Variants in A4GALT observed in about 807,000 individuals in gnomAD.
The protein encoded by A4GALT is lactosylceramide 4-alpha-galactosyltransferase.
For missense variants in A4GALT, 512 were observed against 486.0 expected (o/e 1.05, Z -0.50); for synonymous variants, 257 against 220.7 (o/e 1.16, Z -1.46).
At chr22:42,711,904 TGAGCCACCGTG>T (rs1921731530) in intron 1 of A4GALT, among the ~76,000 whole-genome samples, 1 of 152,188 alleles carries the variant, frequency 6.6e-6, no homozygotes, top group African/African-American at 2.4e-5. Flanking sequence ...ATCACAGGCG[TGAGCCACCGTG>T]ACTGGTCTCA....
Position 42,692,881 on chromosome 22 carries a change from G to A in A4GALT, c.*9C>T. ...AGGAGCAGGTTGGGGAGGTGACCTG[G>A]CGGGCCCCTCACAAGTACATTTTCA... On this transcript the variant is annotated 3_prime_UTR_variant, in exon 3 of 3. Transcript: ENST00000642412. This position sits in a 1 kb window ranked among gnomAD's most constrained non-coding sequence, Gnocchi z 4.6. The A allele has an allele frequency of 6.3e-7, 1 of 1,599,524 alleles. No individual in the cohort carries two copies. The highest frequency in any genetic ancestry group is 8.5e-7 in the Non-Finnish European group (1 of 1,179,648).
chr22:42,706,235 G>A (rs1372145834), intron 1 of A4GALT, among the ~76,000 whole-genome samples: 1 of 145,490 alleles, frequency 6.9e-6, no homozygotes, highest in Admixed American at 7.0e-5. Flanking sequence ...GGCACCTATA[G>A]TCCCAGTTAC....
chr22:42,697,454 T>G (rs996280717), intron 1 of A4GALT, among the ~76,000 whole-genome samples: 1 of 151,828 alleles, frequency 6.6e-6, no homozygotes, highest in Admixed American at 6.6e-5. Flanking sequence ...CGCGGACGGG[T>G]GGACAGTTGG....
chr22:42,705,598 C>CAA (rs68144596), intron 1 of A4GALT, among the ~76,000 whole-genome samples: 1,750 of 72,088 alleles, frequency 0.024, 303 homozygotes, highest in East Asian at 0.049. Flanking sequence ...GATTCTGTCT[C>CAA]AAAAAAAAAA....
chr22:42,694,890 C>G (rs1176129467), intron 2 of A4GALT: 1 of 152,236 alleles, frequency 6.6e-6, no homozygotes, highest in Non-Finnish European at 1.5e-5. Flanking sequence ...CTCAGCATCT[C>G]ACACATAGGA....
rs912914830 is a variant in A4GALT at position 42,695,522 on chromosome 22, G to A, written c.-78C>T. On this transcript the variant is annotated 5_prime_UTR_variant, in exon 2 of 3. Coordinates refer to ENST00000642412, the MANE Select transcript of A4GALT (RefSeq NM_017436.7). The stretch of plus-strand genomic sequence containing the variant: ...GGGCAGCCCATTGCAGAGAGGTGGG[G>A]ATCCTGGCAGCCCACAGGCCTCCGG... The A allele has an allele frequency of 2.0e-5, 3 of 152,014 alleles. No individual in the cohort carries two copies. The highest frequency in any genetic ancestry group is 2.9e-5 in the Non-Finnish European group (2 of 68,092). The allele number at this position is 152,014 out of a possible 1,614,324, so 9.4% of individuals were successfully genotyped here. A position where few individuals can be genotyped will look rare whatever the true frequency, so the allele number is the denominator to read the frequency against.
intron 1 of A4GALT, among the ~76,000 whole-genome samples, chr22:42,703,273 TGAGA>T (rs1920939351): frequency 6.8e-6 from 1 of 146,318 alleles, no homozygotes. Context: ...TTTTTTTTTT[TGAGA>T]CAGAGTCTCA....
intron 1 of A4GALT, among the ~76,000 whole-genome samples, chr22:42,708,817 TA>T (rs1461053088): frequency 1.3e-5 from 2 of 151,898 alleles, no homozygotes; most frequent in Non-Finnish European, 2.9e-5. Flanking sequence ...AAATAAAATT[TA>T]AAACCTGAAT....
chr22:42,697,184 TAATG>T (rs1231104249), intron 1 of A4GALT, among the ~76,000 whole-genome samples: 8 of 152,242 alleles, frequency 5.3e-5, no homozygotes, highest in Non-Finnish European at 1.0e-4. Flanking sequence ...ATGAGTGAAT[TAATG>T]AATGATCAGT....
Position 42,693,442 on chromosome 22 carries a change from C to G in A4GALT, c.510G>C (p.Leu170=), listed in dbSNP as rs1382474586. 6.8e-6 allele frequency: 11 copies of G among 1,613,292 alleles called. No individual in the cohort carries two copies. The East Asian group carries it at 2.5e-4, about 36-fold the overall frequency. ...TGGAGGCGTCGGAGAGCACGGGCAGCAGGTAGGGCTCCCAGCGCCCCTGCA... is the reference window on the plus strand; with the variant it reads ...TGGAGGCGTCGGAGAGCACGGGCAGGAGGTAGGGCTCCCAGCGCCCCTGCA... ...AAVQGRWEPY[L]LPVLSDASRI... The change falls in exon 3 of 3, where the codon CTG becomes CTC. Residue 170 remains leucine, a synonymous_variant. Transcript: ENST00000642412.
At chr22:42,711,312 G>T (rs1342753897) in intron 1 of A4GALT, among the ~76,000 whole-genome samples, 2 of 152,076 alleles carry the variant, frequency 1.3e-5, no homozygotes, top group Admixed American at 1.3e-4. Context: ...CATTATTTTG[G>T]CAAGGCTGTG....
In A4GALT at chr22:42,693,853, G is replaced by A. The variant is rs754072678; in HGVS notation, c.99C>T (p.Phe33=). 2.5e-6 allele frequency: 4 copies of A among 1,610,310 alleles called. No homozygotes were observed. Among genetic ancestry groups the A allele is most frequent in the Non-Finnish European group, 3.4e-6 (4 of 1,178,774 alleles). ...CGTGCCAGTAGATCATGATGGAGAC[G>A]AAAAACGTGAACTTGAAGCCGATGA... ...LFIIGFKFTF[F]VSIMIYWHVV... Residue 33 remains phenylalanine, a synonymous_variant, in exon 3 of 3, where the codon TTC becomes TTT. Coordinates refer to ENST00000642412, the MANE Select transcript of A4GALT (RefSeq NM_017436.7).
Position 42,720,812 on chromosome 22 carries a change from C to CGGCG in A4GALT, c.-207_-204dup. ...CCCCTCGTACCTCTAGCTCCAGCGG[C>CGGCG]GGCGGGCGGCGGACAGCGGGGCCCC... On this transcript the variant is annotated 5_prime_UTR_variant, in exon 1 of 3. Transcript: ENST00000642412. 1.0e-5 allele frequency: 1 copy of CGGCG among 97,500 alleles called. No individual in the cohort carries two copies. The highest frequency in any genetic ancestry group is 4.1e-4 in the South Asian group (1 of 2,446). The allele number at this position is 97,500 out of a possible 1,614,324, so 6.0% of individuals were successfully genotyped here.
At chr22:42,703,377 T>G (rs1602004118) in intron 1 of A4GALT, among the ~76,000 whole-genome samples, 1 of 151,142 alleles carries the variant, frequency 6.6e-6, no homozygotes, top group Non-Finnish European at 1.5e-5. Context: ...TGCCTCAGCC[T>G]CCCGAGTAGC....
In A4GALT at chr22:42,693,424, G is replaced by A. The variant is rs1930636687; in HGVS notation, c.528C>T (p.Asp176=). The A allele has an allele frequency of 1.9e-6, 3 of 1,613,310 alleles. No individual in the cohort carries two copies. Among genetic ancestry groups the A allele is most frequent in the Non-Finnish European group, 2.5e-6 (3 of 1,179,994 alleles). ...TCCACATGAGTGCGATCCTGGAGGCGTCGGAGAGCACGGGCAGCAGGTAGG... is the reference window on the plus strand; with the variant it reads ...TCCACATGAGTGCGATCCTGGAGGCATCGGAGAGCACGGGCAGCAGGTAGG... ...WEPYLLPVLS[D]ASRIALMWKF... The change falls in exon 3 of 3, where the codon GAC becomes GAT. Residue 176 remains aspartate (D), a synonymous_variant. Coordinates refer to ENST00000642412, the MANE Select transcript of A4GALT (RefSeq NM_017436.7).
chr22:42,701,374 CCCG>C (rs1931289308), intron 1 of A4GALT, among the ~76,000 whole-genome samples: 1 of 152,124 alleles, frequency 6.6e-6, no homozygotes, highest in African/African-American at 2.4e-5. Flanking sequence ...CAGACAGGAG[CCCG>C]AGGTGGACCC....
intron 1 of A4GALT, among the ~76,000 whole-genome samples, chr22:42,700,841 C>G (rs1336935137): frequency 1.3e-5 from 2 of 152,236 alleles, no homozygotes. Context: ...ATAGGCCTTT[C>G]CTCCGGCAGG....
chr22:42,702,338 C>T lies in A4GALT; in HGVS notation c.-187-6707G>A, dbSNP rs1280877348. 1.2e-4 allele frequency among the ~76,000 whole-genome samples: 16 copies of T among 138,992 alleles called. 2 individuals carry two copies. In the South Asian group the frequency reaches 3.0e-3, roughly 26 times the overall value. 91.2% of individuals were successfully genotyped at this position (138,992 alleles called of 152,430 possible). On this transcript the variant is annotated intron_variant, in intron 1 of 2. Coordinates refer to ENST00000642412, the MANE Select transcript of A4GALT (RefSeq NM_017436.7). ...GGCTCCCCCACCAGAGGAACACACT[C>T]TTTTTTTTTTTTTTTTTTCACAGAT... is the stretch of plus-strand genomic sequence containing the variant.
chr22:42,693,953 G>T lies in A4GALT; in HGVS notation c.-2C>A. ...CAGGAGGTCGGGGGGCTTGGACATG[G>T]TATCCCCAGATCAGACCAGGAGCTT... On this transcript the variant is annotated 5_prime_UTR_variant, in exon 3 of 3. Transcript: ENST00000642412. The T allele has an allele frequency of 6.3e-7, 1 of 1,575,970 alleles. No individual in the cohort carries two copies.
Sources: allele counts gnomAD v4.1 joint callset (sites outside exome capture counted in the v4.1 genomes callset), GRCh38; gene constraint gnomAD v4.1.1; non-coding constraint Gnocchi (gnomAD v3.1); transcripts MANE v1.5; gene names NCBI Gene and HGNC (gene_info 2026-07-23, HGNC 2026-07-21).